AHCTF1: variants seen among roughly 807,000 people sequenced by gnomAD.
AHCTF1 encodes the protein protein ELYS.
A neutral mutation model predicts 248.4 loss-of-function variants in AHCTF1; 24 were observed. The observed-to-expected ratio is 0.10, with a 90% CI of 0.07 to 0.14. The LOEUF is 0.14. AHCTF1 is among the 10% of genes least tolerant of loss of function. The pLI is 1.00. For missense variants in AHCTF1, 2,206 were observed against 2,636.2 expected, an observed-to-expected ratio of 0.84 and a Z score of 3.57; for synonymous variants, 786 against 929.8, an observed-to-expected ratio of 0.85 and a Z score of 2.81.
At chr1:246,912,161 C>T (rs534244460) in intron 4 of AHCTF1, among the ~76,000 whole-genome samples, 2 of 152,142 alleles carry the variant, frequency 1.3e-5, no homozygotes, top group East Asian at 1.9e-4. Flanking sequence ...AAGAGCTACA[C>T]TGATATTCTA....
rs1037618380 is a variant in AHCTF1, at chr1:246,891,927, G to A, written c.1805-8C>T. 6 of 1,573,872 alleles carry A rather than the reference G, an allele frequency of 3.8e-6. No homozygotes were observed. The African/African-American group carries it at 4.2e-5, about 11-fold the overall frequency. On this transcript the variant is annotated splice_region_variant and splice_polypyrimidine_tract_variant and intron_variant, in intron 14 of 35. Transcript: ENST00000648844. ...CATCAAATAATGGCACACCTTTCAA[G>A]AATAAAAGAAAAGATAAGTTTCCAT...
At chr1:246,903,485 T>G (rs1297520512) in intron 7 of AHCTF1, among the ~76,000 whole-genome samples, 1 of 152,176 alleles carries the variant, frequency 6.6e-6, no homozygotes, top group African/African-American at 2.4e-5. Flanking sequence ...AGATCTCTAA[T>G]TTAAATTACT....
intron 23 of AHCTF1, 65 bp downstream of exon 23, chr1:246,876,885 A>T: frequency 5.7e-6 from 9 of 1,574,004 alleles, no homozygotes; most frequent in Non-Finnish European, 6.9e-6. Flanking sequence ...CTTATATAAC[A>T]ACCAAAAAAG....
intron 27 of AHCTF1, among the ~76,000 whole-genome samples, chr1:246,862,354 C>G (rs1194340750): frequency 1.3e-5 from 2 of 152,074 alleles, no homozygotes; most frequent in Non-Finnish European, 2.9e-5. Flanking sequence ...GTGGCGGGCG[C>G]CTGTAGTCCC....
chr1:246,879,765 G>A (rs1663256218), intron 21 of AHCTF1, among the ~76,000 whole-genome samples: 1 of 151,948 alleles, frequency 6.6e-6, no homozygotes, highest in South Asian at 2.1e-4. Context: ...GGAGGCAGAG[G>A]TTGCAGTGAG....
chr1:246,856,084 A>G (rs77970420), intron 30 of AHCTF1, among the ~76,000 whole-genome samples: 2,639 of 152,344 alleles, frequency 0.017, 77 homozygotes, highest in African/African-American at 0.059. Flanking sequence ...AAATGAAATG[A>G]TTTTAAAATG....
Position 246,916,395 on chromosome 1 carries a change from C to T in AHCTF1, c.122G>A (p.Gly41Glu). 1 of 1,597,392 alleles carries T rather than the reference C, an allele frequency of 6.3e-7. No homozygotes were observed. Among genetic ancestry groups the T allele is most frequent in the South Asian group, 1.1e-5 (1 of 87,822 alleles). The change falls in exon 3 of 36, where the codon GGG becomes GAG. Residue 41 changes from glycine to glutamate, a missense_variant and splice_region_variant. Gly to Glu is a moderately conservative substitution (Grantham distance 98). Transcript: ENST00000648844. ...ESVLRGKFAA[G>E]KNGLACLACG... ...AGCCAAGCAAGCAAGTCCATTTTTC[C>T]CTAGAAGAAAAAAAAATTGCCTATT... is the stretch of plus-strand genomic sequence containing the variant.
intron 4 of AHCTF1, among the ~76,000 whole-genome samples, chr1:246,912,552 C>CT (rs1181794738): frequency 6.6e-6 from 1 of 151,884 alleles, no homozygotes; most frequent in Non-Finnish European, 1.5e-5. Context: ...TCAAATACTC[C>CT]TTTTCTAAAA....
Position 246,855,719 on chromosome 1 carries a change from A to G in AHCTF1, c.4354+11T>C, listed in dbSNP as rs760182402. ...ATGGAATAATCCTGAAGTCAAAATT[A>G]TTATACATACATTTATTGTCATTTG... On this transcript the variant is annotated intron_variant, in intron 31 of 35. Coordinates refer to ENST00000648844, the MANE Select transcript of AHCTF1 (RefSeq NM_001323342.2). 1 of 1,593,160 alleles carries G rather than the reference A, an allele frequency of 6.3e-7. No homozygotes were observed. Among genetic ancestry groups the G allele is most frequent in the Non-Finnish European group, 8.6e-7 (1 of 1,167,576 alleles).
chr1:246,904,879 TC>T (rs1252727690), intron 6 of AHCTF1, among the ~76,000 whole-genome samples: 1 of 152,198 alleles, frequency 6.6e-6, no homozygotes, highest in African/African-American at 2.4e-5. Flanking sequence ...CACTCCTTAG[TC>T]CTTTGCTGAG....
At chr1:246,909,782 G>A (rs188119537) in intron 4 of AHCTF1, among the ~76,000 whole-genome samples, 3 of 152,256 alleles carry the variant, frequency 2.0e-5, no homozygotes, top group Non-Finnish European at 1.5e-5. Flanking sequence ...TGTATCCCTC[G>A]CAGATAAGGG....
chr1:246,847,353 C>A (rs1660353507), intron 33 of AHCTF1, among the ~76,000 whole-genome samples: 1 of 151,518 alleles, frequency 6.6e-6, no homozygotes, highest in African/African-American at 2.4e-5. Context: ...GGGACAAAAG[C>A]AGAATATATG....
In AHCTF1 at chr1:246,877,097, T is replaced by TA. The variant is rs780496031; in HGVS notation, c.2806-17dup. On this transcript the variant is annotated splice_polypyrimidine_tract_variant and intron_variant, in intron 22 of 35. Transcript: ENST00000648844. ...CTAAACATTCCTAAAAAGAACAAAATAGATTGTAAACTACCAATTTATCTT... is the reference window on the plus strand; with the variant it reads ...CTAAACATTCCTAAAAAGAACAAAATAAGATTGTAAACTACCAATTTATCTT... 5.0e-6 allele frequency: 8 copies of TA among 1,612,306 alleles called. No homozygotes were observed. In the South Asian group the frequency reaches 7.7e-5, roughly 16 times the overall value.
Position 246,900,431 on chromosome 1 carries a change from G to C in AHCTF1, c.1156C>G (p.Gln386Glu), listed in dbSNP as rs754213273. Residue 386 changes from glutamine to glutamate, a missense_variant, in exon 9 of 36, where the codon CAG (glutamine) becomes GAG (glutamate). Physicochemically the swap from Gln to Glu is conservative, Grantham distance 29. Coordinates refer to ENST00000648844, the MANE Select transcript of AHCTF1 (RefSeq NM_001323342.2). ...PDTSVSVFTW[Q>E]VNIYGQGKPS... ...TTTCCCTGTCCATATATATTCACCTGCCAGGTAAAGACTGAAACACTAGTG... is the reference window on the plus strand; with the variant it reads ...TTTCCCTGTCCATATATATTCACCTCCCAGGTAAAGACTGAAACACTAGTG... The C allele has an allele frequency of 5.6e-5, 90 of 1,596,156 alleles. No individual in the cohort carries two copies. Among genetic ancestry groups the C allele is most frequent in the Non-Finnish European group, 7.6e-5 (89 of 1,176,276 alleles).
intron 14 of AHCTF1, among the ~76,000 whole-genome samples, chr1:246,893,437 A>G (rs1033081727): frequency 3.3e-5 from 5 of 152,236 alleles, no homozygotes; most frequent in Non-Finnish European, 7.3e-5. Context: ...ACTCATCATG[A>G]CACAAGAGAA....
At chr1:246,899,994 T>C (rs1664880159) in intron 10 of AHCTF1, 71 bp downstream of exon 10, 2 of 1,425,134 alleles carry the variant, frequency 1.4e-6, no homozygotes, top group South Asian at 2.6e-5. Flanking sequence ...ATGAATAAAC[T>C]ACACAACGTA....
At chr1:246,877,739 GT>G (rs368025192) in intron 21 of AHCTF1, among the ~76,000 whole-genome samples, 1,635 of 152,130 alleles carry the variant, frequency 0.011, 9 homozygotes, top group Non-Finnish European at 0.019. Flanking sequence ...GGTAGTAGAT[GT>G]TTTTTGGTTG....
intron 1 of AHCTF1, among the ~76,000 whole-genome samples, chr1:246,922,634 T>A (rs1666622612): frequency 6.6e-6 from 1 of 151,046 alleles, no homozygotes; most frequent in Non-Finnish European, 1.5e-5. Flanking sequence ...GTTCCAGCAA[T>A]CCTCCTGCCT....
At chr1:246,918,465 C>A in intron 1 of AHCTF1, 88 bp from the exon 2 acceptor site, 1 of 1,250,582 alleles carries the variant, frequency 8.0e-7, no homozygotes, top group Non-Finnish European at 1.1e-6. Context: ...ACAGTAAAAG[C>A]CACCAACAAA....
Sources: allele counts gnomAD v4.1 joint callset (sites outside exome capture counted in the v4.1 genomes callset), GRCh38; gene constraint gnomAD v4.1.1; transcripts MANE v1.5; gene names NCBI Gene and HGNC (gene_info 2026-07-23, HGNC 2026-07-21).